The following TIAM2 variants were observed in gnomAD, a reference collection of about 807,000 sequenced individuals.
TIAM2 encodes rho guanine nucleotide exchange factor TIAM2.
A neutral mutation model predicts 152.9 loss-of-function variants in TIAM2; 80 were observed. The observed-to-expected ratio is 0.52, with a 90% confidence interval of 0.44 to 0.63. TIAM2 has a LOEUF of 0.63. TIAM2 is among the 30% of genes least tolerant of loss of function. The pLI is 0.00. For synonymous variants in TIAM2, 804 were observed against 838.0 expected, an observed-to-expected ratio of 0.96 and a Z score of 0.70; for missense variants, 1,965 against 2,120.1, an observed-to-expected ratio of 0.93 and a Z score of 1.44.
chr6:155,115,875 G>A (rs900148963), intron 2 of TIAM2, among the ~76,000 whole-genome samples: 1 of 152,172 alleles, frequency 6.6e-6, no homozygotes, highest in Non-Finnish European at 1.5e-5. Flanking sequence ...TCTATGGGAG[G>A]CCGAGGTGGG....
At chr6:155,032,177 A>G (rs1402283346) in intron 1 of TIAM2, among the ~76,000 whole-genome samples, 1 of 151,492 alleles carries the variant, frequency 6.6e-6, no homozygotes, top group African/African-American at 2.5e-5. Flanking sequence ...TGTTCTCCCC[A>G]ATGTTCCTGT....
chr6:155,165,371 G>A lies in TIAM2; in HGVS notation c.2323G>A (p.Ala775Thr). The change falls in exon 9 of 27, where the codon GCC becomes ACC. Residue 775 changes from alanine to threonine, a missense_variant. Coordinates refer to ENST00000682666, the MANE Select transcript of TIAM2 (RefSeq NM_012454.4). ...FSSLKGLDTL[A>T]RKGKEKRPSI... ...TTCGTTAAAAGGGCTGGACACACTG[G>A]CCAGAAAAGGCAAGGAGAAGAGACC... 2 of 1,613,976 alleles carry A rather than the reference G, an allele frequency of 1.2e-6. No homozygotes were observed. The highest frequency in any genetic ancestry group is 2.2e-5 in the South Asian group (2 of 91,034).
At chr6:155,219,383 A>C (rs917146616) in intron 15 of TIAM2, among the ~76,000 whole-genome samples, 1 of 151,934 alleles carries the variant, frequency 6.6e-6, no homozygotes, top group African/African-American at 2.4e-5. Context: ...CGGCTCTGCC[A>C]GCCGAGGAGG....
At chr6:155,009,658 C>T (rs1177202201) in intron 1 of TIAM2, among the ~76,000 whole-genome samples, 1 of 152,010 alleles carries the variant, frequency 6.6e-6, no homozygotes, top group African/African-American at 2.4e-5. Context: ...TTCCAAACTA[C>T]GACTTACGTG....
intron 9 of TIAM2, among the ~76,000 whole-genome samples, chr6:155,176,555 G>T (rs1348867406): frequency 2.0e-5 from 3 of 152,184 alleles, no homozygotes; most frequent in African/African-American, 7.2e-5. Context: ...TTCTAACTTG[G>T]CATAAGCGGT....
intron 1 of TIAM2, among the ~76,000 whole-genome samples, chr6:155,074,089 G>A (rs1777902060): frequency 6.6e-6 from 1 of 152,176 alleles, no homozygotes; most frequent in African/African-American, 2.4e-5. Flanking sequence ...ACACCATTAT[G>A]ATACCAGGTC....
Position 155,148,105 on chromosome 6 carries a change from T to G in TIAM2, c.1804-5T>G. On this transcript the variant is annotated splice_region_variant and splice_polypyrimidine_tract_variant and intron_variant, in intron 6 of 26. Coordinates refer to ENST00000682666, the MANE Select transcript of TIAM2 (RefSeq NM_012454.4). Reference sequence around the variant, plus strand: ...GAAACAGGCTTTCTCCCTCCCTGTGTGTAGGCCACCAGCCAGACAGATCTA... The same window carrying G: ...GAAACAGGCTTTCTCCCTCCCTGTGGGTAGGCCACCAGCCAGACAGATCTA... 1 of 1,613,802 alleles carries G rather than the reference T, an allele frequency of 6.2e-7. No homozygotes were observed. The highest frequency in any genetic ancestry group is 8.5e-7 in the Non-Finnish European group (1 of 1,179,938).
chr6:154,995,856 G>A lies in TIAM2; in HGVS notation c.-209+364G>A, dbSNP rs1383808815. ...GGAGGAGGCGGCGCCCCGGCCTCCT[G>A]ATACCGAGGTTCTCGCCCAAAGCCG... On this transcript the variant is annotated intron_variant, in intron 1 of 26. Transcript: ENST00000682666. The surrounding 1 kb of genome is among the most constrained non-coding windows in gnomAD (Gnocchi z 5.2). 6.6e-6 allele frequency among the ~76,000 whole-genome samples: 1 copy of A among 152,164 alleles called. No homozygotes were observed. The highest frequency in any genetic ancestry group is 1.5e-5 in the Non-Finnish European group (1 of 68,030).
intron 2 of TIAM2, among the ~76,000 whole-genome samples, chr6:155,094,611 G>A (rs1396689315): frequency 6.2e-5 from 9 of 144,732 alleles, no homozygotes; most frequent in Non-Finnish European, 7.5e-5. Context: ...GTGCAGTGGC[G>A]CTATCTCAGC....
At chr6:155,247,896 A>T in intron 19 of TIAM2, 104 bp from the exon 20 acceptor site, 12 of 1,383,750 alleles carry the variant, frequency 8.7e-6, no homozygotes, top group Non-Finnish European at 1.2e-5. Flanking sequence ...GAATGGCATT[A>T]GGAGGACTAT....
rs537955235 is a variant in TIAM2 at position 155,053,352 on chromosome 6, G to A, written c.-208-36937G>A. Among the ~76,000 whole-genome samples, 5 of 151,928 alleles carry A rather than the reference G, an allele frequency of 3.3e-5. No individual in the cohort carries two copies. In the South Asian group the frequency reaches 6.2e-4, roughly 19 times the overall value. ...GCCACCTGTTTTCTGTTTTTGTCTC[G>A]TCACGTTGCCTAGGCTGCTCTTGAA... On this transcript the variant is annotated intron_variant, in intron 1 of 26. Coordinates refer to ENST00000682666, the MANE Select transcript of TIAM2 (RefSeq NM_012454.4).
intron 1 of TIAM2, among the ~76,000 whole-genome samples, chr6:155,040,063 T>C (rs1046961102): frequency 1.3e-5 from 2 of 152,214 alleles, no homozygotes; most frequent in African/African-American, 4.8e-5. Context: ...ATTTCTTGCC[T>C]AGACTGTTAC....
intron 1 of TIAM2, among the ~76,000 whole-genome samples, chr6:155,006,644 C>A (rs1308302082): frequency 1.4e-5 from 2 of 142,908 alleles, no homozygotes; most frequent in Non-Finnish European, 3.0e-5. Context: ...TCAGCCTGGG[C>A]GACATTTTTA....
Position 155,021,124 on chromosome 6 carries a change from C to T in TIAM2, c.-209+25632C>T, listed in dbSNP as rs142103851. Among the ~76,000 whole-genome samples the T allele has an allele frequency of 1.2e-4, 19 of 152,226 alleles. No homozygotes were observed. The East Asian group carries it at 3.1e-3, about 25-fold the overall frequency. On this transcript the variant is annotated intron_variant, in intron 1 of 26. Coordinates refer to ENST00000682666, the MANE Select transcript of TIAM2 (RefSeq NM_012454.4). Reference sequence around the variant, plus strand: ...GTATGTCATCTTTTGTTTGTCTGCCCATTGGTCCACAGACATTTGGGTTTT... The same window carrying T: ...GTATGTCATCTTTTGTTTGTCTGCCTATTGGTCCACAGACATTTGGGTTTT...
At chr6:155,198,567 C>G (rs1373407200) in intron 14 of TIAM2, among the ~76,000 whole-genome samples, 1 of 143,430 alleles carries the variant, frequency 7.0e-6, no homozygotes, top group African/African-American at 2.6e-5. Context: ...AAGGCTGAGG[C>G]AGGGGAATCA....
At chr6:155,118,762 A>G (rs1779078284) in intron 2 of TIAM2, among the ~76,000 whole-genome samples, 1 of 151,310 alleles carries the variant, frequency 6.6e-6, no homozygotes, top group Admixed American at 6.6e-5. Flanking sequence ...ATCTAATGGA[A>G]TCCTACTCAT....
rs141491120 is a variant in TIAM2 at position 155,173,199 on chromosome 6, G to GTGTGTGTC, written c.2362-3614_2362-3613insGTGTCTGT. 3.8e-3 allele frequency among the ~76,000 whole-genome samples: 571 copies of GTGTGTGTC among 149,750 alleles called. 2 individuals are homozygous for GTGTGTGTC. The highest frequency in any genetic ancestry group is 0.013 in the African/African-American group (537 of 40,220). ...TGTGTGTGTGTGTGTGTGTGTGTGT[G>GTGTGTGTC]TGTCTGTCTGTCTGTCTGCCTAACA... On this transcript the variant is annotated intron_variant, in intron 9 of 26. Transcript: ENST00000682666.
intron 2 of TIAM2, among the ~76,000 whole-genome samples, chr6:155,109,490 A>G (rs1266814972): frequency 6.6e-6 from 1 of 152,234 alleles, no homozygotes; most frequent in African/African-American, 2.4e-5. Flanking sequence ...AGTAAAAAGT[A>G]ATAATAATGG....
At chr6:155,225,156 A>T (rs769319188) in intron 15 of TIAM2, among the ~76,000 whole-genome samples, 2 of 152,038 alleles carry the variant, frequency 1.3e-5, no homozygotes, top group Admixed American at 1.3e-4. Context: ...GGGTTTTGAC[A>T]TGTTGTCCAG....
Sources: gnomAD v4.1 joint callset for allele counts (sites outside exome capture counted in the v4.1 genomes callset) on GRCh38, gnomAD v4.1.1 for gene constraint, Gnocchi (gnomAD v3.1) non-coding constraint, MANE v1.5 for transcripts, NCBI Gene and HGNC (gene_info 2026-07-23, HGNC 2026-07-21) for gene names.